Variants in PLIN5 observed in about 807,000 individuals in gnomAD.
PLIN5 encodes the protein perilipin 5.
A neutral mutation model predicts 32.8 loss-of-function variants in PLIN5; 34 were observed. That is an observed-to-expected ratio of 1.04 (90% CI 0.79 to 1.38). PLIN5 has a LOEUF of 1.38. Among genes scored for constraint, PLIN5 ranks in the 40% most tolerant of loss-of-function variants. The pLI is 0.00. For synonymous variants in PLIN5, 309 were observed against 292.9 expected (o/e 1.05, Z -0.56); for missense variants, 712 against 660.5 (o/e 1.08, Z -0.85).
rs533089563 is a variant in PLIN5, at chr19:4,527,005, G to C, written c.521-1173C>G. 4.6e-4 allele frequency among the ~76,000 whole-genome samples: 70 copies of C among 152,314 alleles called. 1 individual carries two copies. Among genetic ancestry groups the C allele is most frequent in the African/African-American group, 1.6e-3 (68 of 41,578 alleles). On this transcript the variant is annotated intron_variant, in intron 5 of 7. Coordinates refer to ENST00000381848, the MANE Select transcript of PLIN5 (RefSeq NM_001013706.3). ...TAATCCCAGCACTTTGGGAGGCCAA[G>C]GCAGGGGGATCACTTGAGCCCAGGA...
rs774734001 is a variant in PLIN5 at position 4,523,630 on chromosome 19, C to T, written c.1290G>A (p.Gly430=). The T allele has an allele frequency of 6.2e-7, 1 of 1,611,404 alleles. No individual in the cohort carries two copies. The highest frequency in any genetic ancestry group is 8.5e-7 in the Non-Finnish European group (1 of 1,179,326). The stretch of plus-strand genomic sequence containing the variant: ...CGGCAACACCCATCCTGTCCCCATC[C>T]CCATTCCCACTCCCGTCCCTGTGCT... ...EAEHRDGSGN[G]DGDRMGVAGD... is the part of the protein sequence containing the mutation. The change falls in exon 8 of 8, where the codon GGG becomes GGA. Residue 430 remains glycine, a synonymous_variant. Transcript: ENST00000381848. The surrounding 1 kb of genome is among the most constrained non-coding windows in gnomAD (Gnocchi z 5.0).
rs1190419222 is a variant in PLIN5, at chr19:4,531,800, G to A, written c.83C>T (p.Ala28Val). ...GCACGTGGCCCTGACCAGGGGCAGAGCCACCACACGCTGCACCACGTTCTG... is the reference window on the plus strand; with the variant it reads ...GCACGTGGCCCTGACCAGGGGCAGAACCACCACACGCTGCACCACGTTCTG... ...DQQNVVQRVVALPLVRATCTA... is the reference protein window; with the variant it reads ...DQQNVVQRVVVLPLVRATCTA... Residue 28 changes from alanine (A) to valine (V), a missense_variant, in exon 3 of 8, where the codon GCT (alanine) becomes GTT (valine). Coordinates refer to ENST00000381848, the MANE Select transcript of PLIN5 (RefSeq NM_001013706.3). 2 of 1,574,672 alleles carry A rather than the reference G, an allele frequency of 1.3e-6. No homozygotes were observed. Among genetic ancestry groups the A allele is most frequent in the African/African-American group, 1.3e-5 (1 of 74,096 alleles).
At chr19:4,527,562 A>AG (rs897903413) in intron 5 of PLIN5, among the ~76,000 whole-genome samples, 1 of 145,540 alleles carries the variant, frequency 6.9e-6, no homozygotes, top group South Asian at 2.2e-4. Flanking sequence ...AAAAAAAAAA[A>AG]AAAACAACAA....
chr19:4,529,713 C>CCCAACCAA, intron 4 of PLIN5, 71 bp downstream of exon 4: 1 of 1,006,632 alleles, frequency 9.9e-7, no homozygotes, highest in Non-Finnish European at 1.5e-6. Context: ...TTGTCACCAT[C>CCCAACCAA]CCTCCCTCCC....
intron 5 of PLIN5, among the ~76,000 whole-genome samples, chr19:4,526,547 T>C (rs925620385): frequency 2.6e-5 from 4 of 152,260 alleles, no homozygotes; most frequent in Admixed American, 1.3e-4. Context: ...TAAGCAGCCT[T>C]TTAAAAATAT....
At position 4,523,504 on chromosome 19, in the gene PLIN5, T is replaced by A. The variant is rs1318292883; in HGVS notation, c.*24A>T. 1 of 1,525,248 alleles carries A rather than the reference T, an allele frequency of 6.6e-7. No individual in the cohort carries two copies. The highest frequency in any genetic ancestry group is 8.8e-7 in the Non-Finnish European group (1 of 1,133,362). 94.5% of individuals were successfully genotyped at this position (1,525,248 alleles called of 1,614,324 possible). On this transcript the variant is annotated 3_prime_UTR_variant, in exon 8 of 8. Coordinates refer to ENST00000381848, the MANE Select transcript of PLIN5 (RefSeq NM_001013706.3). This position sits in a 1 kb window ranked among gnomAD's most constrained non-coding sequence, Gnocchi z 5.0. ...ATCGGGGTGTGCAGGTGGCCTTTCC[T>A]CCCCGCCTCCACTGGCCCATGGGTC...
Position 4,523,593 on chromosome 19 carries a change from C to T in PLIN5, c.1327G>A (p.Glu443Lys), listed in dbSNP as rs199650988. The change falls in exon 8 of 8, where the codon GAG becomes AAG. Residue 443 changes from glutamate to lysine, a missense_variant. Coordinates refer to ENST00000381848, the MANE Select transcript of PLIN5 (RefSeq NM_001013706.3). This position sits in a 1 kb window ranked among gnomAD's most constrained non-coding sequence, Gnocchi z 5.0. The part of the protein sequence containing the change: ...DRMGVAGDIC[E>K]QEPETPSCPV... ...CAGCTGGGGGTCTCGGGTTCCTGCTCGCAGATGTCCCCGGCAACACCCATC... is the reference window on the plus strand; with the variant it reads ...CAGCTGGGGGTCTCGGGTTCCTGCTTGCAGATGTCCCCGGCAACACCCATC... 19 of 1,605,242 alleles carry T rather than the reference C, an allele frequency of 1.2e-5. No homozygotes were observed. In the East Asian group the frequency reaches 3.4e-4, roughly 29 times the overall value.
At position 4,525,023 on chromosome 19, in the gene PLIN5, C is replaced by T; in HGVS notation, c.774G>A (p.Lys258=). Residue 258 remains lysine, a synonymous_variant, in exon 7 of 8, where the codon AAG becomes AAA. Transcript: ENST00000381848. The surrounding 1 kb of genome is among the most constrained non-coding windows in gnomAD (Gnocchi z 5.6). The part of the protein sequence containing the change: ...VTPTAPACPG[K]VHELWGEWGQ... ...CCCATTCCCCCCACAGCTCGTGCAC[C>T]TTCCCAGGGCAGGCCGGGGCGGTGG... is the stretch of plus-strand genomic sequence containing the variant. The T allele has an allele frequency of 6.7e-7, 1 of 1,493,518 alleles. No homozygotes were observed. The highest frequency in any genetic ancestry group is 8.9e-7 in the Non-Finnish European group (1 of 1,122,592). 92.5% of individuals were successfully genotyped at this position (1,493,518 alleles called of 1,614,324 possible).
chr19:4,534,209 G>A (rs1000634010), intron 1 of PLIN5, 114 bp from the exon 2 acceptor site: 11 of 781,380 alleles, frequency 1.4e-5, no homozygotes, highest in Non-Finnish European at 2.3e-5. Flanking sequence ...TTCTTCATCT[G>A]CATAATGGGG....
chr19:4,529,409 C>T (rs778424616), intron 4 of PLIN5, 156 bp from the exon 5 acceptor site: 35 of 779,770 alleles, frequency 4.5e-5, no homozygotes, highest in Non-Finnish European at 6.6e-5. Context: ...ACCCTTCCCT[C>T]ACAGAGGGTG....
In PLIN5 at chr19:4,523,430, T is replaced by TCAAGGC; in HGVS notation, c.*92_*97dup. The TCAAGGC allele has an allele frequency of 7.3e-7, 1 of 1,364,874 alleles. No homozygotes were observed. Among genetic ancestry groups the TCAAGGC allele is most frequent in the Non-Finnish European group, 9.8e-7 (1 of 1,019,296 alleles). The allele number at this position is 1,364,874 out of a possible 1,614,324, so 84.5% of individuals were successfully genotyped here. A position where few individuals can be genotyped will look rare whatever the true frequency, so the allele number is the denominator to read the frequency against. ...AGTTGGGCCTGATTCCAAAGAAGGGTCAAGGCCAAGGCCTCGAGCTTACGT... is the reference window on the plus strand; with the variant it reads ...AGTTGGGCCTGATTCCAAAGAAGGGTCAAGGCCAAGGCCAAGGCCTCGAGCTTACGT... On this transcript the variant is annotated 3_prime_UTR_variant, in exon 8 of 8. Transcript: ENST00000381848. The surrounding 1 kb of genome is among the most constrained non-coding windows in gnomAD (Gnocchi z 5.0).
chr19:4,532,541 G>A (rs573874377), intron 2 of PLIN5: 4 of 152,236 alleles, frequency 2.6e-5, no homozygotes, highest in Non-Finnish European at 4.4e-5. Flanking sequence ...TAGAAACAGG[G>A]TTTCACTATG....
chr19:4,525,527 G>T lies in PLIN5; in HGVS notation c.720+106C>A. ...ATGCAGCTGGAGACAGCTGCACCCA[G>T]CTCCGCCTCCTGCTTTAGGCTAGCA... On this transcript the variant is annotated intron_variant, in intron 6 of 7. Coordinates refer to ENST00000381848, the MANE Select transcript of PLIN5 (RefSeq NM_001013706.3). The surrounding 1 kb of genome is among the most constrained non-coding windows in gnomAD (Gnocchi z 5.6). The T allele has an allele frequency of 1.5e-6, 2 of 1,378,156 alleles. No individual in the cohort carries two copies. The highest frequency in any genetic ancestry group is 1.9e-5 in the Admixed American group (1 of 51,380). 85.4% of individuals were successfully genotyped at this position (1,378,156 alleles called of 1,614,324 possible).
In PLIN5 at chr19:4,525,158, C is replaced by G; in HGVS notation, c.721-82G>C. 1.2e-6 allele frequency: 1 copy of G among 844,054 alleles called. No homozygotes were observed. Among genetic ancestry groups the G allele is most frequent in the Non-Finnish European group, 1.8e-6 (1 of 569,748 alleles). The allele number at this position is 844,054 out of a possible 1,614,324, so 52.3% of individuals were successfully genotyped here. A position where few individuals can be genotyped will look rare whatever the true frequency, so the allele number is the denominator to read the frequency against. On this transcript the variant is annotated intron_variant, in intron 6 of 7. Coordinates refer to ENST00000381848, the MANE Select transcript of PLIN5 (RefSeq NM_001013706.3). The surrounding 1 kb of genome is among the most constrained non-coding windows in gnomAD (Gnocchi z 5.6). ...CGGGGTGGGGTCCAGGACCACTGATCTGGCCTCAGTAAGCATTTAGGAGAC... is the reference window on the plus strand; with the variant it reads ...CGGGGTGGGGTCCAGGACCACTGATGTGGCCTCAGTAAGCATTTAGGAGAC...
At chr19:4,533,895 G>T (rs772770900) in intron 2 of PLIN5, 120 bp downstream of exon 2, 1 of 1,175,040 alleles carries the variant, frequency 8.5e-7, no homozygotes, top group South Asian at 1.4e-5. Flanking sequence ...AATATTTTAT[G>T]ACTCAGGTTT....
Position 4,533,725 on chromosome 19 carries a change from G to T in PLIN5, c.60+290C>A, listed in dbSNP as rs145392487. 344 of 513,200 alleles carry T rather than the reference G, an allele frequency of 6.7e-4. 2 individuals carry two copies. Among genetic ancestry groups the T allele is most frequent in the African/African-American group, 6.1e-3 (318 of 52,342 alleles). 31.8% of individuals were successfully genotyped at this position (513,200 alleles called of 1,614,324 possible). On this transcript the variant is annotated intron_variant, in intron 2 of 7. Coordinates refer to ENST00000381848, the MANE Select transcript of PLIN5 (RefSeq NM_001013706.3). ...TACTGAGGGCGCCATGATGGTGGAC[G>T]TGGAGACAGAAGGATACAGGTGGAG...
Position 4,525,873 on chromosome 19 carries a change from G to A in PLIN5, c.521-41C>T, listed in dbSNP as rs770201795. On this transcript the variant is annotated intron_variant, in intron 5 of 7. Coordinates refer to ENST00000381848, the MANE Select transcript of PLIN5 (RefSeq NM_001013706.3). This position sits in a 1 kb window ranked among gnomAD's most constrained non-coding sequence, Gnocchi z 5.6. ...CGGGGACAGCACGGGGACAGGATACGGGGACAGCACGGGGACAGGATACGG... is the reference window on the plus strand; with the variant it reads ...CGGGGACAGCACGGGGACAGGATACAGGGACAGCACGGGGACAGGATACGG... The A allele has an allele frequency of 8.7e-6, 11 of 1,259,548 alleles. No individual in the cohort carries two copies. The highest frequency in any genetic ancestry group is 2.5e-5 in the East Asian group (1 of 39,232). The allele number at this position is 1,259,548 out of a possible 1,614,324, so 78.0% of individuals were successfully genotyped here.
intron 3 of PLIN5, among the ~76,000 whole-genome samples, chr19:4,530,246 G>A (rs2145328206): frequency 6.6e-6 from 1 of 152,252 alleles, no homozygotes; most frequent in East Asian, 1.9e-4. Flanking sequence ...TGCCTCCTCT[G>A]CCATCCTGCC....
chr19:4,534,090 G>C lies in PLIN5; in HGVS notation c.-16C>G. The C allele has an allele frequency of 6.2e-7, 1 of 1,609,494 alleles. No individual in the cohort carries two copies. The highest frequency in any genetic ancestry group is 8.5e-7 in the Non-Finnish European group (1 of 1,178,046). On this transcript the variant is annotated 5_prime_UTR_variant, in exon 2 of 8. Coordinates refer to ENST00000381848, the MANE Select transcript of PLIN5 (RefSeq NM_001013706.3). Reference sequence around the variant, plus strand: ...CTTCAGACATCGTGCTGCAAACAGGGTCACCCTGCGGGGCAGGATTGAGTA... The same window carrying C: ...CTTCAGACATCGTGCTGCAAACAGGCTCACCCTGCGGGGCAGGATTGAGTA...
Sources: allele counts gnomAD v4.1 joint callset (sites outside exome capture counted in the v4.1 genomes callset), GRCh38; gene constraint gnomAD v4.1.1; non-coding constraint Gnocchi (gnomAD v3.1); transcripts MANE v1.5; gene names NCBI Gene and HGNC (gene_info 2026-07-23, HGNC 2026-07-21).